SGCZ: variants seen among roughly 807,000 people sequenced by gnomAD.
SGCZ encodes the protein sarcoglycan zeta.
SGCZ carries 40 observed loss-of-function variants against 41.3 expected under a neutral mutation model. The observed-to-expected ratio is 0.97, with a 90% CI of 0.75 to 1.26. The LOEUF (loss-of-function observed/expected upper bound fraction) is 1.26. SGCZ is among the 50% of genes most tolerant of loss of function. The probability of loss-of-function intolerance (pLI) is 0.00; values close to 1 mark genes in which losing one functional copy is unlikely to be tolerated. For synonymous variants in SGCZ, 206 were observed against 137.5 expected (o/e 1.50, Z -3.49); for missense variants, 552 against 369.8 (o/e 1.49, Z -4.04).
chr8:14,969,250 CG>C (rs1310500740), intron 1 of SGCZ, among the ~76,000 whole-genome samples: 1 of 152,084 alleles, frequency 6.6e-6, no homozygotes, highest in Non-Finnish European at 1.5e-5. Context: ...TGGGTGTCCA[CG>C]AGATATTAAA....
chr8:14,915,498 G>A (rs768433161), intron 1 of SGCZ, among the ~76,000 whole-genome samples: 2 of 152,226 alleles, frequency 1.3e-5, no homozygotes, highest in South Asian at 2.1e-4. Context: ...AATGCCAGAA[G>A]GAACCAGGGC....
intron 2 of SGCZ, among the ~76,000 whole-genome samples, chr8:14,548,684 C>T (rs917659974): frequency 7.9e-5 from 12 of 151,978 alleles, no homozygotes; most frequent in Non-Finnish European, 1.6e-4. Context: ...CATTTAGTAA[C>T]TGAAAATTAG....
At chr8:15,008,014 C>A (rs1399708985) in intron 1 of SGCZ, among the ~76,000 whole-genome samples, 2 of 152,124 alleles carry the variant, frequency 1.3e-5, no homozygotes, top group Non-Finnish European at 2.9e-5. Flanking sequence ...TCAATTCTAA[C>A]TTGATAAATT....
At chr8:15,081,185 T>C (rs1200918725) in intron 1 of SGCZ, among the ~76,000 whole-genome samples, 2 of 152,214 alleles carry the variant, frequency 1.3e-5, no homozygotes, top group East Asian at 3.9e-4. Context: ...TAAATTTTTT[T>C]AGGTCTATGG....
chr8:14,535,456 C>T lies in SGCZ; in HGVS notation c.234+19276G>A, dbSNP rs60103300. On this transcript the variant is annotated intron_variant, in intron 2 of 7. Transcript: ENST00000382080. ...GTAAAAGGTCACACCATGGATTTCA[C>T]TCGATTAGCAATGACAATCTTTATT... Among the ~76,000 whole-genome samples the T allele has an allele frequency of 7.9e-5, 12 of 151,946 alleles. No individual in the cohort carries two copies. The South Asian group carries it at 2.5e-3, about 31-fold the overall frequency.
At chr8:14,630,615 A>G (rs916802905) in intron 1 of SGCZ, among the ~76,000 whole-genome samples, 13 of 152,228 alleles carry the variant, frequency 8.5e-5, no homozygotes, top group Non-Finnish European at 1.5e-4. Context: ...AAGACTTGGA[A>G]CCAACCCAAA....
Position 14,637,345 on chromosome 8 carries a change from C to T in SGCZ, c.40-82419G>A, listed in dbSNP as rs370408388. Among the ~76,000 whole-genome samples, 256 of 151,378 alleles carry T rather than the reference C, an allele frequency of 1.7e-3. 1 individual carries two copies. Among genetic ancestry groups the T allele is most frequent in the Non-Finnish European group, 2.7e-3 (182 of 67,778 alleles). On this transcript the variant is annotated intron_variant, in intron 1 of 7. Coordinates refer to ENST00000382080, the MANE Select transcript of SGCZ (RefSeq NM_139167.4). ...TTAATTTCAACTTTTATTTTAGACTCGGAGTACACGTGCAGGTTTGTTACA... is the reference window on the plus strand; with the variant it reads ...TTAATTTCAACTTTTATTTTAGACTTGGAGTACACGTGCAGGTTTGTTACA...
chr8:15,101,707 G>C (rs977897081), intron 1 of SGCZ, among the ~76,000 whole-genome samples: 1 of 152,192 alleles, frequency 6.6e-6, no homozygotes, highest in Admixed American at 6.5e-5. Context: ...GAGGCAGGCA[G>C]ATACTTGAAG....
At chr8:14,565,551 T>C (rs1804332985) in intron 1 of SGCZ, among the ~76,000 whole-genome samples, 2 of 151,936 alleles carry the variant, frequency 1.3e-5, no homozygotes, top group Admixed American at 6.6e-5. Flanking sequence ...GAGACACTCA[T>C]TGGTGAGTCC....
In SGCZ at chr8:14,615,893, T is replaced by C. The variant is rs192254044; in HGVS notation, c.40-60967A>G. On this transcript the variant is annotated intron_variant, in intron 1 of 7. Transcript: ENST00000382080. ...ATTCTATCCTGGGCCTATTCTCTCC[T>C]ATCTCATTCCACTTTACTCTATTAC... Among the ~76,000 whole-genome samples the C allele has an allele frequency of 1.3e-5, 2 of 152,316 alleles. 1 individual carries two copies. Among genetic ancestry groups the C allele is most frequent in the Non-Finnish European group, 2.9e-5 (2 of 68,030 alleles).
intron 4 of SGCZ, among the ~76,000 whole-genome samples, chr8:14,202,922 C>A (rs776535540): frequency 6.6e-6 from 1 of 152,058 alleles, no homozygotes; most frequent in Admixed American, 6.6e-5. Context: ...AGGAATCAGG[C>A]GGGAGGTGAT....
intron 1 of SGCZ, among the ~76,000 whole-genome samples, chr8:14,667,417 T>C (rs1418669124): frequency 6.6e-6 from 1 of 152,164 alleles, no homozygotes; most frequent in Non-Finnish European, 1.5e-5. Context: ...ATGTGGGATA[T>C]CACAGCAATC....
chr8:14,250,411 G>A (rs971053715), intron 3 of SGCZ, among the ~76,000 whole-genome samples: 1 of 152,048 alleles, frequency 6.6e-6, no homozygotes, highest in African/African-American at 2.4e-5. Flanking sequence ...CTGCAGTTAA[G>A]CTACATTTTC....
chr8:14,850,842 C>G (rs1348940389), intron 1 of SGCZ, among the ~76,000 whole-genome samples: 2 of 152,152 alleles, frequency 1.3e-5, no homozygotes, highest in Non-Finnish European at 2.9e-5. Context: ...CTCAGTACTT[C>G]TCCTTCCTGC....
intron 3 of SGCZ, among the ~76,000 whole-genome samples, chr8:14,248,255 G>GA (rs1270961483): frequency 2.0e-5 from 3 of 152,094 alleles, no homozygotes; most frequent in African/African-American, 7.2e-5. Flanking sequence ...TTATGGCTTG[G>GA]AAAAAAACAA....
intron 2 of SGCZ, among the ~76,000 whole-genome samples, chr8:14,506,403 T>C (rs969761873): frequency 2.8e-4 from 43 of 152,052 alleles, no homozygotes; most frequent in Non-Finnish European, 5.9e-4. Context: ...ATCTCTTCTA[T>C]ATCATCATTT....
chr8:14,596,457 G>T (rs34194674), intron 1 of SGCZ, among the ~76,000 whole-genome samples: 19,945 of 152,070 alleles, frequency 0.13, 1,643 homozygotes, highest in South Asian at 0.2. Context: ...TGACATACCA[G>T]ATCTGTATTT....
chr8:14,445,476 G>A (rs1346316912), intron 2 of SGCZ, among the ~76,000 whole-genome samples: 1 of 152,076 alleles, frequency 6.6e-6, no homozygotes, highest in Non-Finnish European at 1.5e-5. Context: ...TAACTTTGAG[G>A]AAGTGGTGAC....
At chr8:14,976,026 A>AT (rs1459853304) in intron 1 of SGCZ, among the ~76,000 whole-genome samples, 8 of 143,266 alleles carry the variant, frequency 5.6e-5, no homozygotes, top group Admixed American at 1.4e-4. Flanking sequence ...ACACATATAT[A>AT]TTTTTTTTTT....
Sources: allele counts gnomAD v4.1 joint callset (sites outside exome capture counted in the v4.1 genomes callset), GRCh38; gene constraint gnomAD v4.1.1; transcripts MANE v1.5; gene names NCBI Gene and HGNC (gene_info 2026-07-23, HGNC 2026-07-21).